The following DZIP3 variants were observed in gnomAD, a reference collection of about 807,000 sequenced individuals.
The protein encoded by DZIP3 is E3 ubiquitin-protein ligase DZIP3.
Under a neutral mutation model 162.0 loss-of-function variants are expected in DZIP3, and 118 were observed. That is an observed-to-expected ratio of 0.73 (90% CI 0.63 to 0.85). DZIP3 has a LOEUF of 0.85. DZIP3 is among the 40% of genes least tolerant of loss of function. The pLI, the probability that DZIP3 is intolerant of heterozygous loss-of-function variation, is 0.00. For missense variants in DZIP3, 1,331 were observed against 1,407.0 expected, an observed-to-expected ratio of 0.95 and a Z score of 0.86; for synonymous variants, 438 against 458.6, an observed-to-expected ratio of 0.96 and a Z score of 0.57.
chr3:108,654,253 A>C lies in DZIP3; in HGVS notation c.2142A>C (p.Ala714=), dbSNP rs3762682. The part of the protein sequence containing the change: ...DDASDVQEDS[A]MEDKFYSLDE... Reference sequence around the variant, plus strand: ...CAAGTGATGTTCAAGAGGATTCTGCAATGGAAGACAAGTTCTATAGCCTGG... The same window carrying C: ...CAAGTGATGTTCAAGAGGATTCTGCCATGGAAGACAAGTTCTATAGCCTGG... The change falls in exon 19 of 33, where the codon GCA becomes GCC. Residue 714 remains alanine, a synonymous_variant. Coordinates refer to ENST00000361582, the MANE Select transcript of DZIP3 (RefSeq NM_014648.4). 2 of 1,613,864 alleles carry C rather than the reference A, an allele frequency of 1.2e-6. No individual in the cohort carries two copies. The highest frequency in any genetic ancestry group is 4.5e-5 in the East Asian group (2 of 44,852).
chr3:108,669,653 CTTTT>C, intron 21 of DZIP3, 24 bp from the exon 22 acceptor site: 1 of 1,601,530 alleles, frequency 6.2e-7, no homozygotes, highest in South Asian at 1.1e-5. Flanking sequence ...TTTCTAACAT[CTTTT>C]GACTTTCTTG....
intron 3 of DZIP3, 131 bp downstream of exon 3, chr3:108,608,289 A>G (rs1383858239): frequency 4.7e-6 from 3 of 641,310 alleles, no homozygotes; most frequent in African/African-American, 3.7e-5. Context: ...TCCTACCTTC[A>G]TAAGTAAAAT....
chr3:108,599,491 C>T (rs1296447282), intron 1 of DZIP3, among the ~76,000 whole-genome samples: 1 of 152,114 alleles, frequency 6.6e-6, no homozygotes, highest in Non-Finnish European at 1.5e-5. Flanking sequence ...AATAATGGTG[C>T]AACTTGTTAA....
At position 108,631,055 on chromosome 3, in the gene DZIP3, A is replaced by ACATACACTCT; in HGVS notation, c.696+1880_696+1881insATACACTCTC. Among the ~76,000 whole-genome samples, 14 of 18,014 alleles carry ACATACACTCT rather than the reference A, an allele frequency of 7.8e-4. No individual in the cohort carries two copies. In the South Asian group the frequency reaches 0.012, roughly 15 times the overall value. 11.8% of individuals were successfully genotyped at this position (18,014 alleles called of 152,430 possible). A position where few individuals can be genotyped will look rare whatever the true frequency, so the allele number is the denominator to read the frequency against. On this transcript the variant is annotated intron_variant, in intron 8 of 32. Transcript: ENST00000361582. ...CACACACACACACACACACACACAC[A>ACATACACTCT]CTCTCTCTCTCTCTCTCTCTCTCTC...
chr3:108,661,351 T>G (rs573516691), intron 19 of DZIP3, among the ~76,000 whole-genome samples: 2 of 152,244 alleles, frequency 1.3e-5, no homozygotes, highest in East Asian at 3.9e-4. Context: ...TGGAAGAAGC[T>G]GGAAACCATC....
At chr3:108,684,172 TGG>T in intron 26 of DZIP3, 42 bp from the exon 27 acceptor site, 2 of 1,479,548 alleles carry the variant, frequency 1.4e-6, no homozygotes, top group Non-Finnish European at 1.8e-6. Context: ...TATAAATATG[TGG>T]GGGGGGGTGT....
chr3:108,619,156 A>G (rs1181295131), intron 5 of DZIP3, among the ~76,000 whole-genome samples: 2 of 151,580 alleles, frequency 1.3e-5, no homozygotes, highest in Non-Finnish European at 2.9e-5. Flanking sequence ...GTATGGGGAA[A>G]TCTTGATGAA....
At chr3:108,611,966 A>AG (rs1452605869) in intron 4 of DZIP3, among the ~76,000 whole-genome samples, 1 of 151,608 alleles carries the variant, frequency 6.6e-6, no homozygotes, top group Non-Finnish European at 1.5e-5. Context: ...TCTGTCTCAA[A>AG]AAAAAAAAAA....
rs1319865867 is a variant in DZIP3, at chr3:108,594,398, TCTCTCTCCCCCCTCCC to T, written c.-73+4563_-73+4578del. On this transcript the variant is annotated intron_variant, in intron 1 of 32. Transcript: ENST00000361582. Reference sequence around the variant, plus strand: ...TGAAGTCTTAGGACATCTCTCTCTCTCTCTCTCCCCCCTCCCCTCCCCCCTCCCTCCCTGCTCCCCC... The same window carrying T: ...TGAAGTCTTAGGACATCTCTCTCTCTCTCCCCCCTCCCTCCCTGCTCCCCC... Among the ~76,000 whole-genome samples the T allele has an allele frequency of 2.0e-5, 3 of 147,086 alleles. No homozygotes were observed. In the East Asian group the frequency reaches 6.2e-4, roughly 30 times the overall value.
chr3:108,636,470 T>C, intron 10 of DZIP3, 146 bp from the exon 11 acceptor site: 1 of 495,214 alleles, frequency 2.0e-6, no homozygotes, highest in Non-Finnish European at 3.5e-6. Flanking sequence ...AAATGGACCA[T>C]CTTTTAACAG....
intron 1 of DZIP3, among the ~76,000 whole-genome samples, chr3:108,593,865 A>G (rs1458064386): frequency 2.0e-5 from 3 of 151,684 alleles, no homozygotes; most frequent in Non-Finnish European, 4.4e-5. Flanking sequence ...GGGTTTCACC[A>G]TGTTGCGCAC....
intron 28 of DZIP3, 95 bp from the exon 29 acceptor site, chr3:108,687,881 C>T: frequency 6.6e-7 from 1 of 1,515,452 alleles, no homozygotes. Flanking sequence ...ACATATCAAT[C>T]ATGCGATAGG....
chr3:108,611,445 C>G, intron 4 of DZIP3, 116 bp downstream of exon 4: 1 of 1,282,834 alleles, frequency 7.8e-7, no homozygotes, highest in Non-Finnish European at 1.1e-6. Flanking sequence ...AAATCTCCAT[C>G]TTACTTCTTG....
At position 108,661,939 on chromosome 3, in the gene DZIP3, A is replaced by G. The variant is rs750569405; in HGVS notation, c.2262A>G (p.Gln754=). Residue 754 remains glutamine, a synonymous_variant, in exon 20 of 33, where the codon CAA becomes CAG. Coordinates refer to ENST00000361582, the MANE Select transcript of DZIP3 (RefSeq NM_014648.4). Reference sequence around the variant, plus strand: ...CTGAAAAGGAAAGGCTTGCTCGTCAAAGGCAGCTTTATAAATTGCACTATC... The same window carrying G: ...CTGAAAAGGAAAGGCTTGCTCGTCAGAGGCAGCTTTATAAATTGCACTATC... The part of the protein sequence containing the change: ...GETEKERLAR[Q]RQLYKLHYQC... The G allele has an allele frequency of 3.7e-6, 6 of 1,614,058 alleles. No individual in the cohort carries two copies. The highest frequency in any genetic ancestry group is 5.1e-6 in the Non-Finnish European group (6 of 1,179,938).
rs1943466493 is a variant in DZIP3, at chr3:108,662,114, A to AT, written c.2296-10dup. Reference sequence around the variant, plus strand: ...CTTGAACATAATTATCTGAAATAATATTTTTTATTGATCAGGATTTCAAAA... The same window carrying AT: ...CTTGAACATAATTATCTGAAATAATATTTTTTTATTGATCAGGATTTCAAAA... On this transcript the variant is annotated splice_polypyrimidine_tract_variant and intron_variant, in intron 20 of 32. Coordinates refer to ENST00000361582, the MANE Select transcript of DZIP3 (RefSeq NM_014648.4). 1.9e-6 allele frequency: 3 copies of AT among 1,580,436 alleles called. No homozygotes were observed. The highest frequency in any genetic ancestry group is 2.4e-5 in the South Asian group (2 of 84,756).
intron 17 of DZIP3, among the ~76,000 whole-genome samples, chr3:108,649,433 T>G (rs373070658): frequency 5.9e-5 from 9 of 151,848 alleles, no homozygotes; most frequent in Admixed American, 1.3e-4. Flanking sequence ...CGTTGCTGCT[T>G]CTTTGATTTT....
intron 5 of DZIP3, among the ~76,000 whole-genome samples, chr3:108,621,386 A>T (rs1941333682): frequency 6.6e-6 from 1 of 152,188 alleles, no homozygotes. Context: ...TAATAATCAC[A>T]TCAGGGTAAA....
At chr3:108,628,716 T>C (rs1440541897) in intron 7 of DZIP3, among the ~76,000 whole-genome samples, 2 of 152,230 alleles carry the variant, frequency 1.3e-5, no homozygotes, top group African/African-American at 4.8e-5. Context: ...GCCTTCTGGC[T>C]TTCACAGTGT....
At chr3:108,648,648 TGTAA>T in intron 16 of DZIP3, 1 of 207,536 alleles carries the variant, frequency 4.8e-6, no homozygotes. Context: ...CATCCATGTG[TGTAA>T]GTGAGCATCT....
Sources: gnomAD v4.1 joint callset for allele counts (sites outside exome capture counted in the v4.1 genomes callset) on GRCh38, gnomAD v4.1.1 for gene constraint, MANE v1.5 for transcripts, NCBI Gene and HGNC (gene_info 2026-07-23, HGNC 2026-07-21) for gene names.